Variants in ATP6V1E1 observed in about 807,000 individuals in gnomAD.
ATP6V1E1 encodes V-type proton ATPase subunit E 1.
A neutral mutation model predicts 35.2 loss-of-function variants in ATP6V1E1; 21 were observed. The ratio of observed to expected loss-of-function variants is 0.60; its 90% CI spans 0.42 to 0.86. The LOEUF (loss-of-function observed/expected upper bound fraction) is 0.86. Among genes scored for constraint, ATP6V1E1 ranks in the 40% least tolerant of loss-of-function variants. The pLI, the probability that ATP6V1E1 is intolerant of heterozygous loss-of-function variation, is 0.00. For synonymous variants in ATP6V1E1, 83 were observed against 87.8 expected (o/e 0.95, Z 0.30); for missense variants, 183 against 272.6 (o/e 0.67, Z 2.32).
chr22:17,612,585 C>A, intron 4 of ATP6V1E1: 1 of 483,674 alleles, frequency 2.1e-6, no homozygotes, highest in Non-Finnish European at 3.7e-6. Flanking sequence ...GCGGTCCACC[C>A]ATAGTGTGTG....
chr22:17,625,866 TAAA>T (rs563941793), intron 1 of ATP6V1E1, among the ~76,000 whole-genome samples: 2 of 139,696 alleles, frequency 1.4e-5, no homozygotes, highest in African/African-American at 5.2e-5. Flanking sequence ...GTATGGCACT[TAAA>T]AAAAAAAAAA....
chr22:17,613,277 G>A lies in ATP6V1E1; in HGVS notation c.143C>T (p.Thr48Ile), dbSNP rs956118032. The A allele has an allele frequency of 1.2e-6, 2 of 1,613,524 alleles. No individual in the cohort carries two copies. Among genetic ancestry groups the A allele is most frequent in the African/African-American group, 2.7e-5 (2 of 74,870 alleles). Residue 48 changes from threonine (T) to isoleucine (I), a missense_variant, in exon 3 of 9, where the codon ACC (threonine) becomes ATC (isoleucine). Physicochemically the swap from Thr to Ile is moderately conservative, Grantham distance 89. Transcript: ENST00000253413. ...FNIEKGRLVQ[T>I]QRLKIMEYYE... ...ATATTCCATAATCTTTAGTCTTTGG[G>A]TTTGCACAAGCCGACCTTTCTCTAT...
intron 4 of ATP6V1E1, among the ~76,000 whole-genome samples, chr22:17,607,984 T>C (rs1272345240): frequency 6.6e-6 from 1 of 152,160 alleles, no homozygotes; most frequent in African/African-American, 2.4e-5. Context: ...ACTACCTCTG[T>C]TTCCCGCACA....
At chr22:17,616,679 CAA>C (rs374090230) in intron 2 of ATP6V1E1, among the ~76,000 whole-genome samples, 3 of 52,640 alleles carry the variant, frequency 5.7e-5, no homozygotes, top group Non-Finnish European at 7.6e-5. Flanking sequence ...AACTCCGGCT[CAA>C]AAAAAAAAAA....
At chr22:17,601,048 T>A (rs2057759297) in intron 5 of ATP6V1E1, 44 bp downstream of exon 5, 24 of 1,532,032 alleles carry the variant, frequency 1.6e-5, no homozygotes, top group Non-Finnish European at 2.1e-5. Context: ...CTAAATTTTC[T>A]CAGAACTGTG....
rs186304513 is a variant in ATP6V1E1, at chr22:17,614,495, A to G, written c.100-1175T>C. Among the ~76,000 whole-genome samples, 34 of 128,242 alleles carry G rather than the reference A, an allele frequency of 2.7e-4. 1 individual carries two copies. In the East Asian group the frequency reaches 5.2e-3, roughly 20 times the overall value. The allele number at this position is 128,242 out of a possible 152,430, so 84.1% of individuals were successfully genotyped here. On this transcript the variant is annotated intron_variant, in intron 2 of 8. Transcript: ENST00000253413. ...AACATGGAGAAATCCCATCTCTACT[A>G]AAAATACACACACACACACACAAAA...
intron 3 of ATP6V1E1, 78 bp downstream of exon 3, chr22:17,613,127 AATTTAT>A: frequency 8.3e-7 from 1 of 1,210,824 alleles, no homozygotes; most frequent in East Asian, 2.4e-5. Flanking sequence ...TTAAGACCTG[AATTTAT>A]ATATGCCTGA....
At chr22:17,594,133 T>C (rs1171220663) in intron 8 of ATP6V1E1, among the ~76,000 whole-genome samples, 1 of 151,748 alleles carries the variant, frequency 6.6e-6, no homozygotes, top group African/African-American at 2.4e-5. Context: ...ACCTGGGAGG[T>C]GGAAGTTGCA....
At chr22:17,595,174 A>C (rs1031894013) in intron 7 of ATP6V1E1, 22 of 151,566 alleles carry the variant, frequency 1.5e-4, no homozygotes, top group African/African-American at 5.1e-4. Flanking sequence ...CAGCCTCCCC[A>C]GTAGCTGGGA....
chr22:17,594,002 A>G (rs991210962), intron 8 of ATP6V1E1, among the ~76,000 whole-genome samples: 2 of 152,230 alleles, frequency 1.3e-5, no homozygotes, highest in Non-Finnish European at 2.9e-5. Context: ...CAGGAATTTG[A>G]TAACAGCCTG....
intron 4 of ATP6V1E1, chr22:17,612,567 A>G (rs2057820589): frequency 7.5e-6 from 3 of 400,942 alleles, no homozygotes; most frequent in Non-Finnish European, 1.3e-5. Flanking sequence ...ACCCTCATGT[A>G]CTACTGTGCG....
At chr22:17,612,944 C>A in intron 3 of ATP6V1E1, 66 bp from the exon 4 acceptor site, 1 of 1,467,192 alleles carries the variant, frequency 6.8e-7, no homozygotes, top group Non-Finnish European at 9.4e-7. Flanking sequence ...AATTCGAACT[C>A]CTGGGCTCAA....
chr22:17,619,323 G>T, intron 2 of ATP6V1E1, 138 bp downstream of exon 2: 1 of 773,002 alleles, frequency 1.3e-6, no homozygotes, highest in Non-Finnish European at 2.1e-6. Flanking sequence ...AAGGAAGGAG[G>T]GGAAGGAGGG....
At chr22:17,604,760 G>T (rs1011451306) in intron 4 of ATP6V1E1, among the ~76,000 whole-genome samples, 1 of 151,746 alleles carries the variant, frequency 6.6e-6, no homozygotes, top group Non-Finnish European at 1.5e-5. Context: ...CTCATGATCC[G>T]CCCTCCTCGG....
chr22:17,605,693 C>T (rs866280132), intron 4 of ATP6V1E1, among the ~76,000 whole-genome samples: 18 of 103,996 alleles, frequency 1.7e-4, no homozygotes, highest in South Asian at 3.5e-4. Flanking sequence ...AGATGTTTCT[C>T]TTTTTTTTTT....
chr22:17,615,370 T>C (rs1407037882), intron 2 of ATP6V1E1, among the ~76,000 whole-genome samples: 1 of 151,872 alleles, frequency 6.6e-6, no homozygotes, highest in Admixed American at 6.6e-5. Flanking sequence ...ACAGGCCAGG[T>C]AGAGTGGCTC....
chr22:17,604,981 T>C (rs12172179), intron 4 of ATP6V1E1, among the ~76,000 whole-genome samples: 54,688 of 150,958 alleles, frequency 0.36, 10,337 homozygotes, highest in African/African-American at 0.46. Flanking sequence ...TTTGGGAGGC[T>C]GAAGCAGGTG....
chr22:17,592,541 G>T lies in ATP6V1E1; in HGVS notation c.*133C>A. ...TTAGGCAAGGCATGAGTGACAGAGGGGCATCGCTGATAAATACAGAGCAAT... is the reference window on the plus strand; with the variant it reads ...TTAGGCAAGGCATGAGTGACAGAGGTGCATCGCTGATAAATACAGAGCAAT... On this transcript the variant is annotated 3_prime_UTR_variant, in exon 9 of 9. Transcript: ENST00000253413. 1 of 908,092 alleles carries T rather than the reference G, an allele frequency of 1.1e-6. No homozygotes were observed. The allele number at this position is 908,092 out of a possible 1,614,324, so 56.3% of individuals were successfully genotyped here.
chr22:17,608,738 T>C (rs941389466), intron 4 of ATP6V1E1, among the ~76,000 whole-genome samples: 2 of 152,224 alleles, frequency 1.3e-5, no homozygotes, highest in Non-Finnish European at 2.9e-5. Context: ...AGCCCATCTC[T>C]GAAAGAATAT....
Sources: gnomAD v4.1 joint callset for allele counts (sites outside exome capture counted in the v4.1 genomes callset) on GRCh38, gnomAD v4.1.1 for gene constraint, MANE v1.5 for transcripts, NCBI Gene and HGNC (gene_info 2026-07-23, HGNC 2026-07-21) for gene names.